The following CPEB1 variants were observed in gnomAD, a reference collection of about 807,000 sequenced individuals.
CPEB1 encodes the protein cytoplasmic polyadenylation element binding protein 1.
CPEB1 carries 7 observed loss-of-function variants against 65.8 expected under a neutral mutation model. The ratio of observed to expected loss-of-function variants is 0.11; its 90% CI spans 0.06 to 0.20. The LOEUF is 0.20. CPEB1 is among the 10% of genes least tolerant of loss of function. The probability of loss-of-function intolerance (pLI) is 1.00; values close to 1 mark genes in which losing one functional copy is unlikely to be tolerated. For synonymous variants in CPEB1, 262 were observed against 260.0 expected (o/e 1.01, Z -0.08); for missense variants, 551 against 712.2 (o/e 0.77, Z 2.58).
chr15:82,629,515 G>C, intron 1 of CPEB1: 1 of 985,214 alleles, frequency 1.0e-6, no homozygotes, highest in Non-Finnish European at 1.2e-6. Flanking sequence ...CCCTATCTCG[G>C]TAAATAACAC....
intron 9 of CPEB1, among the ~76,000 whole-genome samples, chr15:82,551,064 T>C (rs1459597357): frequency 6.6e-6 from 1 of 151,888 alleles, no homozygotes; most frequent in Non-Finnish European, 1.5e-5. Flanking sequence ...TCCTAGAACA[T>C]ACTAAGGTGG....
At chr15:82,631,978 T>C (rs1228561850) in intron 1 of CPEB1, among the ~76,000 whole-genome samples, 2 of 113,966 alleles carry the variant, frequency 1.8e-5, no homozygotes, top group Non-Finnish European at 3.5e-5. Flanking sequence ...ATTTATTTTT[T>C]TCTCTTTTTT....
At chr15:82,563,110 A>C (rs1458526949) in intron 4 of CPEB1, among the ~76,000 whole-genome samples, 10 of 152,172 alleles carry the variant, frequency 6.6e-5, no homozygotes, top group Non-Finnish European at 1.0e-4. Context: ...GAACAAGCTG[A>C]TCACTGTGAA....
intron 3 of CPEB1, among the ~76,000 whole-genome samples, chr15:82,620,064 G>GA (rs1465923041): frequency 6.6e-6 from 1 of 152,142 alleles, no homozygotes; most frequent in East Asian, 1.9e-4. Flanking sequence ...AAAGCAACAG[G>GA]AATCAATGAC....
intron 3 of CPEB1, among the ~76,000 whole-genome samples, chr15:82,624,653 C>T (rs2045599651): frequency 6.6e-6 from 1 of 152,136 alleles, no homozygotes; most frequent in African/African-American, 2.4e-5. Context: ...CACTGGGCTC[C>T]CTGGACAGCT....
At chr15:82,610,291 T>C (rs1004278532) in intron 3 of CPEB1, among the ~76,000 whole-genome samples, 1 of 152,054 alleles carries the variant, frequency 6.6e-6, no homozygotes, top group Admixed American at 6.6e-5. Context: ...TAAAAAAGAA[T>C]AAATACCAAT....
chr15:82,605,097 T>C (rs1363606634), intron 3 of CPEB1, among the ~76,000 whole-genome samples: 1 of 152,180 alleles, frequency 6.6e-6, no homozygotes, highest in Non-Finnish European at 1.5e-5. Context: ...GATGACATAC[T>C]GAGGGAGTTA....
At chr15:82,638,989 A>T (rs1004953450) in intron 1 of CPEB1, among the ~76,000 whole-genome samples, 2 of 152,200 alleles carry the variant, frequency 1.3e-5, no homozygotes, top group African/African-American at 4.8e-5. Flanking sequence ...TACAAATGTC[A>T]ACACAGTGGG....
At chr15:82,544,818 T>C in intron 12 of CPEB1, 116 bp from the exon 13 acceptor site, 1 of 750,636 alleles carries the variant, frequency 1.3e-6, no homozygotes, top group Non-Finnish European at 2.3e-6. Flanking sequence ...CGATGGCCTC[T>C]GTGGGTTAGA....
intron 3 of CPEB1, among the ~76,000 whole-genome samples, chr15:82,587,023 GT>G (rs1427861556): frequency 1.3e-5 from 2 of 152,016 alleles, no homozygotes; most frequent in Non-Finnish European, 2.9e-5. Flanking sequence ...CCCCCTAGTT[GT>G]AAAAAAGATT....
intron 3 of CPEB1, among the ~76,000 whole-genome samples, chr15:82,576,661 G>C (rs890477512): frequency 1.3e-5 from 2 of 152,004 alleles, no homozygotes; most frequent in South Asian, 2.1e-4. Flanking sequence ...AAAATGTTGA[G>C]AAAAAAATAA....
upstream of CPEB1, chr15:82,647,599 C>A (rs587691720): frequency 3.1e-6 from 1 of 325,664 alleles, no homozygotes; most frequent in Non-Finnish European, 5.6e-6. Context: ...GCTCGGAGGC[C>A]CCACCGGCCG....
chr15:82,563,461 C>T (rs2038591749), intron 4 of CPEB1, among the ~76,000 whole-genome samples: 2 of 142,888 alleles, frequency 1.4e-5, no homozygotes, highest in South Asian at 4.5e-4. Context: ...CCTCCCACTT[C>T]AGCCTCCAAA....
intron 3 of CPEB1, among the ~76,000 whole-genome samples, chr15:82,625,599 T>A (rs1202898467): frequency 6.6e-6 from 1 of 152,176 alleles, no homozygotes; most frequent in African/African-American, 2.4e-5. Context: ...AACCCACCTA[T>A]ACCAGAAAAG....
At chr15:82,596,846 T>C (rs1358481025) in intron 3 of CPEB1, among the ~76,000 whole-genome samples, 2 of 152,142 alleles carry the variant, frequency 1.3e-5, no homozygotes, top group Non-Finnish European at 2.9e-5. Context: ...AAGTCATTAA[T>C]ATGGAAGACA....
intron 1 of CPEB1, among the ~76,000 whole-genome samples, chr15:82,631,982 C>CTTTTTT (rs10656923): frequency 6.4e-5 from 8 of 125,014 alleles, no homozygotes; most frequent in South Asian, 2.5e-4. Flanking sequence ...ATTTTTTTCT[C>CTTTTTT]TTTTTTTTTT....
intron 4 of CPEB1, among the ~76,000 whole-genome samples, chr15:82,560,252 G>C (rs1342538010): frequency 1.3e-5 from 2 of 152,180 alleles, no homozygotes; most frequent in Non-Finnish European, 2.9e-5. Context: ...ACATGCACTG[G>C]TCTTAAAAGT....
intron 6 of CPEB1, 79 bp downstream of exon 6, chr15:82,555,790 CA>C: frequency 6.7e-7 from 1 of 1,496,816 alleles, no homozygotes; most frequent in South Asian, 1.3e-5. Context: ...AGACAGTTCA[CA>C]AGTGTGTGAA....
At chr15:82,570,717 C>T (rs1277268594) in intron 4 of CPEB1, among the ~76,000 whole-genome samples, 2 of 151,490 alleles carry the variant, frequency 1.3e-5, no homozygotes, top group African/African-American at 2.4e-5. Context: ...TCACTCTCAA[C>T]ACAAAGGGAA....
Sources: allele counts gnomAD v4.1 joint callset (sites outside exome capture counted in the v4.1 genomes callset), GRCh38; gene constraint gnomAD v4.1.1; transcripts MANE v1.5; gene names NCBI Gene and HGNC (gene_info 2026-07-23, HGNC 2026-07-21).